The following RPTOR variants were observed in gnomAD, a reference collection of about 807,000 sequenced individuals.
RPTOR encodes regulatory associated protein of MTOR complex 1.
Under a neutral mutation model 169.9 loss-of-function variants are expected in RPTOR, and 21 were observed. The ratio of observed to expected loss-of-function variants is 0.12; its 90% confidence interval spans 0.09 to 0.18. The LOEUF (loss-of-function observed/expected upper bound fraction) is 0.18, where lower values mean the gene tolerates loss of function less well. Among genes scored for constraint, RPTOR ranks in the 10% least tolerant of loss-of-function variants. RPTOR has a pLI of 1.00. For missense variants in RPTOR, 1,133 were observed against 1,855.9 expected, an observed-to-expected ratio of 0.61 and a Z score of 7.16; for synonymous variants, 732 against 753.2, an observed-to-expected ratio of 0.97 and a Z score of 0.46.
chr17:80,946,841 G>A (rs751487313), intron 26 of RPTOR, among the ~76,000 whole-genome samples: 3 of 152,204 alleles, frequency 2.0e-5, no homozygotes, highest in Non-Finnish European at 4.4e-5. Context: ...CGCCCAGAGT[G>A]GAATTGCTGG....
Position 80,880,401 on chromosome 17 carries a change from C to T in RPTOR, c.1510-14C>T. The T allele has an allele frequency of 6.2e-7, 1 of 1,613,352 alleles. No homozygotes were observed. The highest frequency in any genetic ancestry group is 1.7e-4 in the Middle Eastern group (1 of 6,060). On this transcript the variant is annotated splice_polypyrimidine_tract_variant and intron_variant, in intron 13 of 33. Transcript: ENST00000306801. ...ACTGCACTCACTGCCTCTCCTCTGT[C>T]TCTTTCTGTCCAGTCGTGCCAAGCG...
At chr17:80,634,650 ATGTGCGTACTGTGTG>A (rs1251091379) in intron 2 of RPTOR, among the ~76,000 whole-genome samples, 2 of 16,790 alleles carry the variant, frequency 1.2e-4, no homozygotes, top group East Asian at 3.4e-3. Context: ...TGCATACTGT[ATGTGCGTACTGTGTG>A]TGTGCGTACT....
chr17:80,691,050 T>C (rs35844609), intron 3 of RPTOR, among the ~76,000 whole-genome samples: 26,717 of 152,082 alleles, frequency 0.18, 3,752 homozygotes, highest in African/African-American at 0.39. Flanking sequence ...CTGCCTCAGC[T>C]TCCCAAAGTG....
At chr17:80,650,160 C>T (rs2065628793) in intron 3 of RPTOR, among the ~76,000 whole-genome samples, 1 of 152,232 alleles carries the variant, frequency 6.6e-6, no homozygotes, top group Admixed American at 6.5e-5. Context: ...CCTGTTGTGA[C>T]TAGACTCCTC....
At chr17:80,896,759 T>G (rs1440507021) in intron 20 of RPTOR, among the ~76,000 whole-genome samples, 1 of 152,174 alleles carries the variant, frequency 6.6e-6, no homozygotes, top group African/African-American at 2.4e-5. Context: ...GGCGCTGAAT[T>G]GGTGGATTTC....
At chr17:80,692,322 ATGTTATGTTAT>A (rs1567860372) in intron 3 of RPTOR, among the ~76,000 whole-genome samples, 2 of 131,228 alleles carry the variant, frequency 1.5e-5, no homozygotes, top group Middle Eastern at 3.9e-3. Flanking sequence ...ATGTTATGTT[ATGTTATGTTAT>A]TTTTTTGAGA....
At chr17:80,600,355 C>T (rs1480751389) in intron 1 of RPTOR, among the ~76,000 whole-genome samples, 1 of 152,182 alleles carries the variant, frequency 6.6e-6, no homozygotes, top group Non-Finnish European at 1.5e-5. Flanking sequence ...GAAAATAAGT[C>T]TTTGGGCCCC....
At chr17:80,572,219 T>C (rs1341304852) in intron 1 of RPTOR, among the ~76,000 whole-genome samples, 1 of 152,124 alleles carries the variant, frequency 6.6e-6, no homozygotes, top group East Asian at 1.9e-4. Flanking sequence ...CACCTCAGCC[T>C]CCCAAGTAGC....
At chr17:80,859,875 C>T (rs1299951019) in intron 13 of RPTOR, among the ~76,000 whole-genome samples, 1 of 152,224 alleles carries the variant, frequency 6.6e-6, no homozygotes, top group African/African-American at 2.4e-5. Flanking sequence ...GCGCCGCCCA[C>T]AGGAGGGAGC....
intron 20 of RPTOR, among the ~76,000 whole-genome samples, chr17:80,897,131 C>T (rs915887441): frequency 1.1e-4 from 16 of 151,730 alleles, no homozygotes; most frequent in African/African-American, 3.9e-4. Context: ...TGTGGTGGTG[C>T]GCACCTGTAG....
intron 2 of RPTOR, among the ~76,000 whole-genome samples, chr17:80,626,883 T>A (rs1436426918): frequency 6.6e-6 from 1 of 151,942 alleles, no homozygotes; most frequent in Non-Finnish European, 1.5e-5. Context: ...GCAAGCATCC[T>A]CACTGTCCAT....
rs1599592924 is a variant in RPTOR at position 80,602,500 on chromosome 17, G to A, written c.163-23191G>A. On this transcript the variant is annotated intron_variant, in intron 1 of 33. Transcript: ENST00000306801. ...GTTCAGTTTTCTTTTCTTTTTTTTTGGTGGGGGGGAGTTTTATAACTTTAT... is the reference window on the plus strand; with the variant it reads ...GTTCAGTTTTCTTTTCTTTTTTTTTAGTGGGGGGGAGTTTTATAACTTTAT... The A allele has an allele frequency of 1.6e-5, 6 of 378,646 alleles. 1 individual carries two copies. In the East Asian group the frequency reaches 3.0e-4, roughly 19 times the overall value. 23.5% of individuals were successfully genotyped at this position (378,646 alleles called of 1,614,324 possible).
At chr17:80,631,051 C>G (rs576259702) in intron 2 of RPTOR, among the ~76,000 whole-genome samples, 1 of 152,166 alleles carries the variant, frequency 6.6e-6, no homozygotes, top group African/African-American at 2.4e-5. Flanking sequence ...GAATTCTGTG[C>G]CCAGGGCGTG....
At chr17:80,839,475 C>T (rs1050669768) in intron 10 of RPTOR, among the ~76,000 whole-genome samples, 5 of 152,210 alleles carry the variant, frequency 3.3e-5, no homozygotes, top group Non-Finnish European at 5.9e-5. Context: ...CATTTTACAC[C>T]GTGAGGCGGA....
rs910939354 is a variant in RPTOR at position 80,774,002 on chromosome 17, G to A, written c.831-17448G>A. Reference sequence around the variant, plus strand: ...CTCTTCTCGGGCTGTCAGAAAGGACGAGGCTGAGTCAGGCTTTAATGTAAA... The same window carrying A: ...CTCTTCTCGGGCTGTCAGAAAGGACAAGGCTGAGTCAGGCTTTAATGTAAA... On this transcript the variant is annotated intron_variant, in intron 6 of 33. Transcript: ENST00000306801. 1.9e-5 allele frequency: 19 copies of A among 985,334 alleles called. No homozygotes were observed. In the African/African-American group the frequency reaches 2.4e-4, roughly 13 times the overall value. The allele number at this position is 985,334 out of a possible 1,614,324, so 61.0% of individuals were successfully genotyped here.
At chr17:80,690,884 T>A (rs1003016409) in intron 3 of RPTOR, among the ~76,000 whole-genome samples, 1 of 152,086 alleles carries the variant, frequency 6.6e-6, no homozygotes, top group Non-Finnish European at 1.5e-5. Flanking sequence ...AGCCTCAAAT[T>A]CTCGGGCCCA....
chr17:80,880,924 G>A (rs1433933915), intron 14 of RPTOR, among the ~76,000 whole-genome samples: 2 of 152,190 alleles, frequency 1.3e-5, no homozygotes, highest in African/African-American at 2.4e-5. Flanking sequence ...GGAAGGGAGA[G>A]AGGAAAGGAA....
chr17:80,769,181 C>T (rs147891159), intron 6 of RPTOR, among the ~76,000 whole-genome samples: 3 of 152,270 alleles, frequency 2.0e-5, no homozygotes, highest in African/African-American at 7.2e-5. Flanking sequence ...ACCAAGCTGG[C>T]AAGTAGACCC....
intron 3 of RPTOR, among the ~76,000 whole-genome samples, chr17:80,645,492 C>T (rs2143603295): frequency 6.6e-6 from 1 of 152,274 alleles, no homozygotes; most frequent in East Asian, 1.9e-4. Flanking sequence ...GAAATATAGC[C>T]TTTCAGAATA....
Sources: allele counts gnomAD v4.1 joint callset (sites outside exome capture counted in the v4.1 genomes callset), GRCh38; gene constraint gnomAD v4.1.1; transcripts MANE v1.5; gene names NCBI Gene and HGNC (gene_info 2026-07-23, HGNC 2026-07-21).